The following DIAPH2 variants were observed in gnomAD, a reference collection of about 807,000 sequenced individuals.
DIAPH2 encodes the protein diaphanous related formin 2, also known as protein diaphanous homolog 2.
DIAPH2 carries 35 observed loss-of-function variants against 92.7 expected under a neutral mutation model. That is an observed-to-expected ratio of 0.38 (90% CI 0.29 to 0.50). The LOEUF (loss-of-function observed/expected upper bound fraction) is 0.50. Among genes scored for constraint, DIAPH2 ranks in the 20% least tolerant of loss-of-function variants. The pLI is 0.94. For missense variants in DIAPH2, 701 were observed against 819.5 expected (o/e 0.86, Z 1.77); for synonymous variants, 301 against 280.4 (o/e 1.07, Z -0.73).
chrX:96,719,828 A>T (rs988238038), intron 1 of DIAPH2, among the ~76,000 whole-genome samples: 2 of 112,374 alleles, frequency 1.8e-5, no homozygotes, highest in Admixed American at 1.9e-4. Context: ...GAAGAATGTC[A>T]TTGGTATTTT....
chrX:97,502,166 A>G (rs1017423032), intron 26 of DIAPH2, among the ~76,000 whole-genome samples: 1 of 112,089 alleles, frequency 8.9e-6, no homozygotes, highest in African/African-American at 3.2e-5. Flanking sequence ...AAATGAATGA[A>G]TTCATGAACT....
At chrX:96,797,026 T>C (rs761869213) in intron 4 of DIAPH2, among the ~76,000 whole-genome samples, 62 of 112,295 alleles carry the variant, frequency 5.5e-4, no homozygotes, top group Non-Finnish European at 7.5e-4. Context: ...AGATTATGTT[T>C]GTCTATAAAT....
At chrX:96,820,439 C>T (rs960444220) in intron 4 of DIAPH2, among the ~76,000 whole-genome samples, 3 of 111,257 alleles carry the variant, frequency 2.7e-5, no homozygotes, top group Non-Finnish European at 1.9e-5. Context: ...CACTGTACTC[C>T]AGCCTGGGTG....
chrX:97,267,129 C>A (rs1397599300), intron 23 of DIAPH2, among the ~76,000 whole-genome samples: 1 of 111,567 alleles, frequency 9.0e-6, no homozygotes, highest in Non-Finnish European at 1.9e-5. Context: ...AGGATGCTGC[C>A]ACTTGGACTG....
chrX:97,493,540 C>T (rs768618438), intron 26 of DIAPH2, among the ~76,000 whole-genome samples: 2 of 111,210 alleles, frequency 1.8e-5, no homozygotes, highest in African/African-American at 3.3e-5. Context: ...GGATTACAGG[C>T]GTGAGCCACC....
At chrX:97,409,561 G>A (rs1048794929) in intron 25 of DIAPH2, among the ~76,000 whole-genome samples, 9 of 111,645 alleles carry the variant, frequency 8.1e-5, no homozygotes, top group African/African-American at 2.9e-4. Flanking sequence ...CCGAAGCAGG[G>A]CAGGGCATCA....
Position 96,948,938 on chromosome X carries a change from G to A in DIAPH2, c.1513G>A (p.Asp505Asn), listed in dbSNP as rs150280563. 5 of 1,182,671 alleles carry A rather than the reference G, an allele frequency of 4.2e-6. No individual in the cohort carries two copies. The highest frequency in any genetic ancestry group is 4.5e-5 in the Admixed American group (2 of 44,175). The change falls in exon 15 of 27, where the codon GAT (aspartate) becomes AAT (asparagine). Residue 505 changes from aspartate (D) to asparagine (N), a missense_variant. By Grantham distance (23) the Asp-to-Asn change is conservative (BLOSUM62 1). Transcript: ENST00000324765. The part of the protein sequence containing the change: ...QKAAEFSKKF[D>N]EEFTARQEAQ... ...ACATTGATGGTGATCATTGCAGTTC[G>A]ATGAAGAATTCACAGCTCGACAGGA...
intron 23 of DIAPH2, among the ~76,000 whole-genome samples, chrX:97,275,646 C>CG (rs1418012656): frequency 1.9e-5 from 2 of 106,319 alleles, no homozygotes; most frequent in Admixed American, 9.9e-5. Context: ...AACGGGGTTG[C>CG]GGCCGGACAG....
chrX:97,082,021 G>A (rs2066749241), intron 19 of DIAPH2: 1 of 101,461 alleles, frequency 9.9e-6, no homozygotes, highest in African/African-American at 3.7e-5. Context: ...TGAGGCAGGA[G>A]AATGGCTTAA....
At chrX:97,191,855 G>T (rs1035033078) in intron 22 of DIAPH2, among the ~76,000 whole-genome samples, 5 of 111,319 alleles carry the variant, frequency 4.5e-5, no homozygotes, top group Non-Finnish European at 9.4e-5. Flanking sequence ...GTGCTGAAAA[G>T]ATGAGTATGA....
chrX:97,235,168 A>C (rs1458198106), intron 22 of DIAPH2, among the ~76,000 whole-genome samples: 1 of 112,566 alleles, frequency 8.9e-6, no homozygotes, highest in Non-Finnish European at 1.9e-5. Context: ...AAATTACACA[A>C]AAGTATATTT....
chrX:97,232,691 C>T (rs2068018827), intron 22 of DIAPH2, among the ~76,000 whole-genome samples: 1 of 111,700 alleles, frequency 9.0e-6, no homozygotes, highest in Non-Finnish European at 1.9e-5. Context: ...CCAATCCCAA[C>T]TCCCGCATAC....
At chrX:96,700,110 G>T (rs1475296882) in intron 1 of DIAPH2, among the ~76,000 whole-genome samples, 2 of 112,038 alleles carry the variant, frequency 1.8e-5, no homozygotes, top group Admixed American at 9.4e-5. Flanking sequence ...CCTGGCTCAA[G>T]CCATCCTCCC....
intron 3 of DIAPH2, among the ~76,000 whole-genome samples, chrX:96,741,660 T>G (rs914047189): frequency 2.7e-5 from 3 of 109,550 alleles, no homozygotes; most frequent in African/African-American, 1.0e-4. Context: ...ATTTTGTATT[T>G]TTTGGTAGAG....
At chrX:96,968,903 G>A (rs1452895112) in intron 17 of DIAPH2, among the ~76,000 whole-genome samples, 1 of 112,240 alleles carries the variant, frequency 8.9e-6, no homozygotes, top group African/African-American at 3.2e-5. Flanking sequence ...TTTTGTGTAT[G>A]GTAAAAGAGA....
chrX:96,881,811 A>C, intron 5 of DIAPH2, 93 bp downstream of exon 5: 2 of 941,281 alleles, frequency 2.1e-6, no homozygotes, highest in Non-Finnish European at 1.5e-6. Context: ...TTAAACCTCA[A>C]GATTTCCTGA....
intron 4 of DIAPH2, among the ~76,000 whole-genome samples, chrX:96,828,217 A>T (rs2064828117): frequency 8.9e-6 from 1 of 112,094 alleles, no homozygotes; most frequent in African/African-American, 3.2e-5. Flanking sequence ...CCCAGTAAGG[A>T]CAGCAGTGAA....
chrX:97,185,474 C>CAT (rs1180330581), intron 22 of DIAPH2, among the ~76,000 whole-genome samples: 50 of 10,500 alleles, frequency 4.8e-3, no homozygotes, highest in African/African-American at 7.4e-3. Context: ...TATATATACA[C>CAT]ATATATATAT....
At chrX:97,500,179 T>G (rs962668946) in intron 26 of DIAPH2, among the ~76,000 whole-genome samples, 2 of 111,794 alleles carry the variant, frequency 1.8e-5, no homozygotes, top group Non-Finnish European at 3.8e-5. Context: ...AATCTTTGGG[T>G]GTTTACTGCT....
Sources: gnomAD v4.1 joint callset for allele counts (sites outside exome capture counted in the v4.1 genomes callset) on GRCh38, gnomAD v4.1.1 for gene constraint, MANE v1.5 for transcripts, NCBI Gene and HGNC (gene_info 2026-07-23, HGNC 2026-07-21) for gene names.